MDFIC2: variants seen among roughly 807,000 people sequenced by gnomAD.
MDFIC2 encodes the protein MyoD family inhibitor domain containing 2.
At chr3:70,305,503 G>T (rs945481311) in intron 2 of MDFIC2, among the ~76,000 whole-genome samples, 15 of 152,140 alleles carry the variant, frequency 9.9e-5, no homozygotes, top group African/African-American at 3.4e-4. Context: ...CTGAGTGAGA[G>T]AATTAGATTG....
intron 2 of MDFIC2, among the ~76,000 whole-genome samples, chr3:70,222,484 G>A (rs1701469705): frequency 6.6e-6 from 1 of 152,176 alleles, no homozygotes; most frequent in Non-Finnish European, 1.5e-5. Flanking sequence ...CTTTGGATAG[G>A]TTGGTTTTCG....
Position 70,194,787 on chromosome 3 carries a change from A to G in MDFIC2, c.*2139T>C, listed in dbSNP as rs141040254. On this transcript the variant is annotated 3_prime_UTR_variant, in exon 4 of 4. Coordinates refer to ENST00000567252, the MANE Select transcript of MDFIC2 (RefSeq NM_001364677.1). ...AATGATAATTGAAATATTTAACACC[A>G]ATATGGCATGGCCTCACCAATGATA... 3.7e-3 allele frequency among the ~76,000 whole-genome samples: 556 copies of G among 152,302 alleles called. 1 individual carries two copies. Among genetic ancestry groups the G allele is most frequent in the African/African-American group, 0.012 (500 of 41,562 alleles).
At position 70,256,148 on chromosome 3, in the gene MDFIC2, G is replaced by A. The variant is rs534520274; in HGVS notation, c.89-49358C>T. On this transcript the variant is annotated intron_variant, in intron 2 of 3. Coordinates refer to ENST00000567252, the MANE Select transcript of MDFIC2 (RefSeq NM_001364677.1). ...GATTTTATCTATTGCTTTCCCCATG[G>A]TTACGAATGACTCTTTAAGATGGAT... Among the ~76,000 whole-genome samples, 8 of 152,248 alleles carry A rather than the reference G, an allele frequency of 5.3e-5. No homozygotes were observed. The South Asian group carries it at 1.7e-3, about 32-fold the overall frequency.
At chr3:70,221,600 G>A (rs1701460400) in intron 2 of MDFIC2, among the ~76,000 whole-genome samples, 1 of 152,066 alleles carries the variant, frequency 6.6e-6, no homozygotes, top group Non-Finnish European at 1.5e-5. Context: ...CTTACCTACA[G>A]GCATTCCTTC....
At chr3:70,235,207 T>C (rs1452807300) in intron 2 of MDFIC2, among the ~76,000 whole-genome samples, 16 of 152,188 alleles carry the variant, frequency 1.1e-4, no homozygotes, top group Admixed American at 1.0e-3. Flanking sequence ...AAAAGATGTG[T>C]CTTCATCAAC....
chr3:70,212,994 A>G (rs991035338), intron 2 of MDFIC2, among the ~76,000 whole-genome samples: 3 of 152,000 alleles, frequency 2.0e-5, no homozygotes, highest in African/African-American at 7.2e-5. Context: ...TTTTGTGCAG[A>G]GACTCGGTTT....
At chr3:70,284,425 G>A (rs1702120093) in intron 2 of MDFIC2, among the ~76,000 whole-genome samples, 1 of 152,032 alleles carries the variant, frequency 6.6e-6, no homozygotes, top group Admixed American at 6.6e-5. Flanking sequence ...AACAAAAAGA[G>A]AACCTCTCAC....
At chr3:70,230,344 C>A (rs916965040) in intron 2 of MDFIC2, among the ~76,000 whole-genome samples, 7 of 152,128 alleles carry the variant, frequency 4.6e-5, no homozygotes, top group African/African-American at 1.7e-4. Flanking sequence ...CACTGCATAG[C>A]AATAGAAATT....
intron 2 of MDFIC2, among the ~76,000 whole-genome samples, chr3:70,310,745 A>T (rs2106709731): frequency 6.6e-6 from 1 of 152,260 alleles, no homozygotes. Flanking sequence ...ATGAAGTTGG[A>T]GGTGTTGATT....
intron 2 of MDFIC2, among the ~76,000 whole-genome samples, chr3:70,307,507 C>G (rs1359494626): frequency 6.6e-6 from 1 of 152,078 alleles, no homozygotes; most frequent in Non-Finnish European, 1.5e-5. Context: ...TGTAATTTCC[C>G]CCCCCAATTT....
intron 2 of MDFIC2, among the ~76,000 whole-genome samples, chr3:70,250,411 TCACACACACACA>T (rs61355248): frequency 0.25 from 31,397 of 124,804 alleles, 3,823 homozygotes; most frequent in Non-Finnish European, 0.33. Flanking sequence ...TTAATGAATC[TCACACACACACA>T]CACACACACA....
At chr3:70,216,730 G>A (rs1270809844) in intron 2 of MDFIC2, among the ~76,000 whole-genome samples, 2 of 152,094 alleles carry the variant, frequency 1.3e-5, no homozygotes, top group Non-Finnish European at 2.9e-5. Flanking sequence ...CCTGGGTGAG[G>A]CAGGCCTTCC....
At chr3:70,301,243 A>G (rs1313273037) in intron 2 of MDFIC2, among the ~76,000 whole-genome samples, 1 of 152,136 alleles carries the variant, frequency 6.6e-6, no homozygotes, top group Non-Finnish European at 1.5e-5. Flanking sequence ...TACTGAGTCC[A>G]TTAAAAACAA....
At position 70,197,047 on chromosome 3, in the gene MDFIC2, T is replaced by C. The variant is rs1701188407; in HGVS notation, c.449A>G (p.Asn150Ser). The C allele has an allele frequency of 5.0e-6, 2 of 398,312 alleles. No individual in the cohort carries two copies. Among genetic ancestry groups the C allele is most frequent in the Admixed American group, 4.4e-5 (1 of 22,698 alleles). 24.7% of individuals were successfully genotyped at this position (398,312 alleles called of 1,614,324 possible). Reference protein sequence around the residue: ...SRRYHHTSDENHSRNDCSCNC... With the variant: ...SRRYHHTSDESHSRNDCSCNC... ...GCAGCTGCAATCATTCCGAGAGTGGTTTTCATCCGAGGTGTGGTGATACCG... is the reference window on the plus strand; with the variant it reads ...GCAGCTGCAATCATTCCGAGAGTGGCTTTCATCCGAGGTGTGGTGATACCG... The change falls in exon 4 of 4, where the codon AAC becomes AGC. Residue 150 changes from asparagine (N) to serine (S), a missense_variant. Coordinates refer to ENST00000567252, the MANE Select transcript of MDFIC2 (RefSeq NM_001364677.1).
intron 2 of MDFIC2, among the ~76,000 whole-genome samples, chr3:70,245,436 T>C (rs1415720290): frequency 6.6e-6 from 1 of 151,546 alleles, no homozygotes; most frequent in Non-Finnish European, 1.5e-5. Flanking sequence ...AATCACAAAC[T>C]TGACTTTGAA....
At chr3:70,270,875 G>A (rs1469121360) in intron 2 of MDFIC2, among the ~76,000 whole-genome samples, 1 of 151,994 alleles carries the variant, frequency 6.6e-6, no homozygotes, top group East Asian at 1.9e-4. Context: ...CACACACCAG[G>A]GCTTATCAGG....
At chr3:70,215,991 AC>A (rs1701406059) in intron 2 of MDFIC2, among the ~76,000 whole-genome samples, 2 of 152,100 alleles carry the variant, frequency 1.3e-5, no homozygotes, top group Admixed American at 1.3e-4. Flanking sequence ...TTTGAATGCA[AC>A]ATTTGCATTG....
intron 2 of MDFIC2, among the ~76,000 whole-genome samples, chr3:70,308,663 G>A (rs999358199): frequency 1.1e-4 from 16 of 152,142 alleles, no homozygotes; most frequent in Admixed American, 3.3e-4. Context: ...GAGTGCAGGA[G>A]AGTATTTCTT....
At chr3:70,268,690 C>A (rs1701946912) in intron 2 of MDFIC2, among the ~76,000 whole-genome samples, 1 of 152,076 alleles carries the variant, frequency 6.6e-6, no homozygotes, top group Non-Finnish European at 1.5e-5. Flanking sequence ...GTTTTTGCAG[C>A]TGATTTTTAA....
Sources: allele counts gnomAD v4.1 joint callset (sites outside exome capture counted in the v4.1 genomes callset), GRCh38; gene constraint gnomAD v4.1.1; transcripts MANE v1.5; gene names NCBI Gene and HGNC (gene_info 2026-07-23, HGNC 2026-07-21).